Variants in SNTG1 observed in about 807,000 individuals in gnomAD.
The protein encoded by SNTG1 is gamma-1-syntrophin.
A neutral mutation model predicts 74.7 loss-of-function variants in SNTG1; 39 were observed. That is an observed-to-expected ratio of 0.52 (90% CI 0.40 to 0.68). The LOEUF (loss-of-function observed/expected upper bound fraction) is 0.68. Ranked by LOEUF, SNTG1 falls within the 30% of genes least tolerant of loss-of-function variation. SNTG1 has a pLI of 0.00. For synonymous variants in SNTG1, 254 were observed against 217.1 expected (o/e 1.17, Z -1.49); for missense variants, 685 against 609.5 (o/e 1.12, Z -1.30).
At chr8:50,222,754 C>G (rs564600055) in intron 2 of SNTG1, among the ~76,000 whole-genome samples, 3 of 152,132 alleles carry the variant, frequency 2.0e-5, no homozygotes, top group Non-Finnish European at 4.4e-5. Flanking sequence ...GCTTCTCAGC[C>G]TCACAGCATC....
chr8:50,689,086 GTGAACAT>G (rs201779232), intron 15 of SNTG1, among the ~76,000 whole-genome samples: 3 of 12,290 alleles, frequency 2.4e-4, no homozygotes, highest in East Asian at 0.12. Flanking sequence ...AAGAATGTTT[GTGAACAT>G]TGATTTTGTA....
chr8:50,271,126 T>C (rs1314256627), intron 2 of SNTG1, among the ~76,000 whole-genome samples: 3 of 152,270 alleles, frequency 2.0e-5, no homozygotes, highest in Non-Finnish European at 4.4e-5. Context: ...ACAACATCCC[T>C]GGCAAACGTG....
chr8:50,115,576 A>AAAAAAAACAAAAAAAAAAC (rs1554580682), intron 1 of SNTG1, among the ~76,000 whole-genome samples: 1 of 82,800 alleles, frequency 1.2e-5, no homozygotes, highest in Non-Finnish European at 2.7e-5. Flanking sequence ...TCAAAAAAAA[A>AAAAAAAACAAAAAAAAAAC]AAAAAAAAAA....
At chr8:50,243,175 T>C (rs1186405038) in intron 2 of SNTG1, among the ~76,000 whole-genome samples, 1 of 25,276 alleles carries the variant, frequency 4.0e-5, no homozygotes, top group Non-Finnish European at 4.1e-4. Context: ...AGTCCTGAAT[T>C]ATCTTATATA....
intron 18 of SNTG1, among the ~76,000 whole-genome samples, chr8:50,791,265 C>T (rs1456828094): frequency 6.6e-6 from 1 of 151,802 alleles, no homozygotes; most frequent in African/African-American, 2.4e-5. Context: ...ATAAATAAAG[C>T]TTCTAAGATC....
At chr8:50,379,703 A>T (rs2092449990) in intron 2 of SNTG1, among the ~76,000 whole-genome samples, 1 of 152,248 alleles carries the variant, frequency 6.6e-6, no homozygotes, top group African/African-American at 2.4e-5. Context: ...ACATCTCAGT[A>T]ATCCCAAGGA....
intron 1 of SNTG1, among the ~76,000 whole-genome samples, chr8:50,061,246 A>T (rs1391453030): frequency 6.6e-6 from 1 of 152,106 alleles, no homozygotes; most frequent in Non-Finnish European, 1.5e-5. Context: ...AATAATTTAG[A>T]TTAATTATCC....
rs956985856 is a variant in SNTG1 at position 50,519,059 on chromosome 8, G to A, written c.467-11118G>A. On this transcript the variant is annotated intron_variant, in intron 9 of 18. Coordinates refer to ENST00000642720, the MANE Select transcript of SNTG1 (RefSeq NM_018967.5). Reference sequence around the variant, plus strand: ...ACATTGATGGGAAAATCCTCCAAAAGCAACTCTCAAAATGAATCCAGCAGC... The same window carrying A: ...ACATTGATGGGAAAATCCTCCAAAAACAACTCTCAAAATGAATCCAGCAGC... Among the ~76,000 whole-genome samples the A allele has an allele frequency of 7.2e-5, 11 of 151,906 alleles. No individual in the cohort carries two copies. The South Asian group carries it at 1.0e-3, about 14-fold the overall frequency.
chr8:50,010,701 G>T (rs1241632310), intron 1 of SNTG1, among the ~76,000 whole-genome samples: 1 of 150,826 alleles, frequency 6.6e-6, no homozygotes, highest in African/African-American at 2.4e-5. Flanking sequence ...ATCCCCGTAG[G>T]TATACTCAGA....
chr8:50,433,876 A>G (rs1380917717), intron 4 of SNTG1, among the ~76,000 whole-genome samples: 1 of 152,174 alleles, frequency 6.6e-6, no homozygotes, highest in East Asian at 1.9e-4. Context: ...ATAAGTACAC[A>G]TAGTAGATTT....
intron 4 of SNTG1, among the ~76,000 whole-genome samples, chr8:50,425,409 A>G (rs1264598664): frequency 1.3e-5 from 2 of 151,954 alleles, no homozygotes; most frequent in East Asian, 1.9e-4. Context: ...TAGGTTGTGC[A>G]CTCCTTATGA....
At chr8:50,264,590 A>G (rs1301140909) in intron 2 of SNTG1, among the ~76,000 whole-genome samples, 4 of 151,718 alleles carry the variant, frequency 2.6e-5, no homozygotes, top group African/African-American at 9.7e-5. Context: ...AAAAAAGAAG[A>G]AAGAAACCAG....
chr8:50,382,717 C>A (rs2092509416), intron 2 of SNTG1, among the ~76,000 whole-genome samples: 2 of 152,090 alleles, frequency 1.3e-5, no homozygotes, highest in Admixed American at 6.6e-5. Context: ...ACAATAAAAT[C>A]TCAGTGGCAT....
At chr8:50,366,807 T>C (rs1345466296) in intron 2 of SNTG1, among the ~76,000 whole-genome samples, 1 of 145,748 alleles carries the variant, frequency 6.9e-6, no homozygotes, top group Non-Finnish European at 1.5e-5. Context: ...TATAATAAAA[T>C]ATATTATATA....
chr8:50,701,977 C>T (rs760879004), intron 15 of SNTG1, among the ~76,000 whole-genome samples: 2 of 151,634 alleles, frequency 1.3e-5, no homozygotes, highest in Non-Finnish European at 2.9e-5. Flanking sequence ...CAGACTCCCA[C>T]GTAGCTGGAA....
chr8:50,505,870 C>G (rs2094002117), intron 9 of SNTG1, among the ~76,000 whole-genome samples: 1 of 152,020 alleles, frequency 6.6e-6, no homozygotes, highest in Non-Finnish European at 1.5e-5. Flanking sequence ...GTAGTCAAGT[C>G]TATTTTTGCT....
chr8:50,245,765 G>A (rs995719475), intron 2 of SNTG1, among the ~76,000 whole-genome samples: 28 of 152,048 alleles, frequency 1.8e-4, no homozygotes, highest in Non-Finnish European at 2.4e-4. Context: ...GTGACCTGGG[G>A]CTTGTCAGCC....
At chr8:50,263,649 T>A (rs989454353) in intron 2 of SNTG1, among the ~76,000 whole-genome samples, 1 of 152,128 alleles carries the variant, frequency 6.6e-6, no homozygotes, top group Non-Finnish European at 1.5e-5. Flanking sequence ...AATTTAAAAT[T>A]CATGGGGAGG....
intron 2 of SNTG1, among the ~76,000 whole-genome samples, chr8:50,230,896 A>C (rs1000164483): frequency 3.3e-5 from 5 of 151,304 alleles, no homozygotes; most frequent in African/African-American, 1.2e-4. Context: ...AAAATAGATA[A>C]GTAATGTTAC....
Sources: allele counts gnomAD v4.1 joint callset (sites outside exome capture counted in the v4.1 genomes callset), GRCh38; gene constraint gnomAD v4.1.1; transcripts MANE v1.5; gene names NCBI Gene and HGNC (gene_info 2026-07-23, HGNC 2026-07-21).